CCDC191: variants seen among roughly 807,000 people sequenced by gnomAD.
CCDC191 encodes coiled-coil domain-containing protein 191.
Under a neutral mutation model 114.0 loss-of-function variants are expected in CCDC191, and 99 were observed. The ratio of observed to expected loss-of-function variants is 0.87; its 90% CI spans 0.74 to 1.03. CCDC191 has a LOEUF of 1.03. CCDC191 is among the 50% of genes least tolerant of loss of function. The pLI, the probability that CCDC191 is intolerant of heterozygous loss-of-function variation, is 0.00. For synonymous variants in CCDC191, 351 were observed against 376.0 expected (o/e 0.93, Z 0.77); for missense variants, 973 against 1,087.0 (o/e 0.90, Z 1.47).
chr3:114,033,699 A>G lies in CCDC191; in HGVS notation c.818+1226T>C, dbSNP rs190740122. 6.2e-4 allele frequency among the ~76,000 whole-genome samples: 94 copies of G among 152,354 alleles called. 1 individual carries two copies. The highest frequency in any genetic ancestry group is 2.2e-3 in the African/African-American group (91 of 41,572). On this transcript the variant is annotated intron_variant, in intron 6 of 16. Transcript: ENST00000295878. ...TTCACAATTTATTTTAGGTCAACCT[A>G]GTTTTTCCAGGGCTTGGGAGCAATA... is the stretch of plus-strand genomic sequence containing the variant.
Position 114,007,518 on chromosome 3 carries a change from C to A in CCDC191, c.1414-1556G>T, listed in dbSNP as rs2075991848. ...ACCTGCTTAAGCAATTTATATCAAG[C>A]AGGGTATATGTTTTAGGTTCTTTTA... On this transcript the variant is annotated intron_variant, in intron 9 of 16. Transcript: ENST00000295878. Among the ~76,000 whole-genome samples the A allele has an allele frequency of 2.0e-5, 3 of 152,150 alleles. No individual in the cohort carries two copies. In the South Asian group the frequency reaches 6.2e-4, roughly 31 times the overall value.
At chr3:114,003,014 A>G in intron 11 of CCDC191, 1 of 985,318 alleles carries the variant, frequency 1.0e-6, no homozygotes, top group East Asian at 1.1e-4. Context: ...ATAACAACAA[A>G]CAAACTAAAG....
At chr3:114,002,806 C>T in intron 11 of CCDC191, 5 of 928,114 alleles carry the variant, frequency 5.4e-6, no homozygotes, top group Non-Finnish European at 5.1e-6. Flanking sequence ...TAATTGTTTA[C>T]TGATTTATAA....
intron 13 of CCDC191, among the ~76,000 whole-genome samples, chr3:113,987,811 A>C (rs1470282587): frequency 6.6e-6 from 1 of 152,150 alleles, no homozygotes; most frequent in Non-Finnish European, 1.5e-5. Context: ...TGGGAGGCCA[A>C]GGCAGGTGGA....
chr3:114,055,502 G>T (rs1009354720), intron 1 of CCDC191, among the ~76,000 whole-genome samples: 14 of 152,178 alleles, frequency 9.2e-5, no homozygotes, highest in African/African-American at 3.1e-4. Context: ...GGTAAATTTA[G>T]AATAAATCGC....
At chr3:114,032,106 T>C (rs1045216395) in intron 6 of CCDC191, among the ~76,000 whole-genome samples, 93 of 152,232 alleles carry the variant, frequency 6.1e-4, no homozygotes, top group African/African-American at 2.2e-3. Context: ...GTCTCTAATA[T>C]AGACATAAAT....
At chr3:114,011,107 G>C (rs558620761) in intron 8 of CCDC191, 86 bp from the exon 9 acceptor site, 8 of 1,424,112 alleles carry the variant, frequency 5.6e-6, no homozygotes, top group African/African-American at 1.4e-5. Context: ...AGTCCAAAAG[G>C]GTTCTAGAAA....
At position 114,018,745 on chromosome 3, in the gene CCDC191, A is replaced by G. The variant is rs755913299; in HGVS notation, c.1096T>C (p.Tyr366His). The G allele has an allele frequency of 1.9e-6, 3 of 1,613,554 alleles. No homozygotes were observed. Among genetic ancestry groups the G allele is most frequent in the East Asian group, 4.5e-5 (2 of 44,876 alleles). Residue 366 changes from tyrosine to histidine, a missense_variant, in exon 8 of 17, where the codon TAC (tyrosine) becomes CAC (histidine). Transcript: ENST00000295878. ...QLKVLRAWRD[Y>H]TRFQKLERET... The stretch of plus-strand genomic sequence containing the variant: ...CGCTCCAACTTCTGGAATCTTGTGT[A>G]GTCTCTCCAGGCCCGCAGGACCTTC...
intron 9 of CCDC191, among the ~76,000 whole-genome samples, chr3:114,009,232 C>T (rs900959755): frequency 6.6e-6 from 1 of 152,092 alleles, no homozygotes; most frequent in Non-Finnish European, 1.5e-5. Context: ...ACTTAGGCCA[C>T]ACTAAATTTA....
At chr3:114,008,047 T>C (rs1372675411) in intron 9 of CCDC191, among the ~76,000 whole-genome samples, 1 of 147,036 alleles carries the variant, frequency 6.8e-6, no homozygotes, top group Admixed American at 6.8e-5. Flanking sequence ...ACTATATATA[T>C]ATTACTATAT....
chr3:114,039,515 A>C lies in CCDC191; in HGVS notation c.416-2729T>G, dbSNP rs890827532. On this transcript the variant is annotated intron_variant, in intron 4 of 16. Transcript: ENST00000295878. Reference sequence around the variant, plus strand: ...TGTCTTAAAACAAAACAAAACAAAAAAGGTTAACTGTAAAATAGCCCCAGG... The same window carrying C: ...TGTCTTAAAACAAAACAAAACAAAACAGGTTAACTGTAAAATAGCCCCAGG... The C allele has an allele frequency of 5.7e-4, 87 of 152,134 alleles. 1 individual carries two copies. Among genetic ancestry groups the C allele is most frequent in the African/African-American group, 2.0e-3 (84 of 41,508 alleles). 9.4% of individuals were successfully genotyped at this position (152,134 alleles called of 1,614,324 possible).
intron 7 of CCDC191, among the ~76,000 whole-genome samples, chr3:114,021,610 A>G (rs2107705265): frequency 6.6e-6 from 1 of 152,184 alleles, no homozygotes; most frequent in South Asian, 2.1e-4. Flanking sequence ...AAAAGTTGCT[A>G]GTTCTGTTTT....
rs1448436103 is a variant in CCDC191 at position 113,978,844 on chromosome 3, C to T, written c.2460+14G>A. ...AATGAGATGTATTTAAGGTACCCTT[C>T]CCTATGTCCTTACCTGTAGCCAGCT... On this transcript the variant is annotated intron_variant, in intron 15 of 16. Transcript: ENST00000295878. The T allele has an allele frequency of 3.1e-6, 5 of 1,610,070 alleles. No homozygotes were observed. Among genetic ancestry groups the T allele is most frequent in the Non-Finnish European group, 4.2e-6 (5 of 1,177,712 alleles).
At position 114,004,865 on chromosome 3, in the gene CCDC191, C is replaced by T. The variant is rs1243765018; in HGVS notation, c.1869-119G>A. On this transcript the variant is annotated intron_variant, in intron 10 of 16. Coordinates refer to ENST00000295878, the MANE Select transcript of CCDC191 (RefSeq NM_020817.2). ...AATGAATCCCTACTCTCTGAGATAA[C>T]TACATATTATATCCACTCCATAAAT... is the stretch of plus-strand genomic sequence containing the variant. The T allele has an allele frequency of 1.3e-5, 14 of 1,061,370 alleles. No individual in the cohort carries two copies. In the South Asian group the frequency reaches 2.1e-4, roughly 16 times the overall value. 65.7% of individuals were successfully genotyped at this position (1,061,370 alleles called of 1,614,324 possible).
chr3:113,966,971 C>T (rs1940241442), intron 16 of CCDC191, among the ~76,000 whole-genome samples: 1 of 151,934 alleles, frequency 6.6e-6, no homozygotes, highest in Non-Finnish European at 1.5e-5. Flanking sequence ...TGGTGGCAGG[C>T]ACCTGTAATC....
intron 7 of CCDC191, among the ~76,000 whole-genome samples, chr3:114,027,292 G>A (rs1370977510): frequency 1.3e-5 from 2 of 152,172 alleles, no homozygotes; most frequent in African/African-American, 4.8e-5. Context: ...CAAATAAGAT[G>A]TTAAGAGATA....
At chr3:114,056,082 G>A (rs1283838742) in intron 1 of CCDC191, among the ~76,000 whole-genome samples, 1 of 151,938 alleles carries the variant, frequency 6.6e-6, no homozygotes, top group Non-Finnish European at 1.5e-5. Context: ...TAAGGTAGGG[G>A]GAACGGAGTT....
At chr3:114,008,795 T>C (rs1443885558) in intron 9 of CCDC191, among the ~76,000 whole-genome samples, 1 of 152,174 alleles carries the variant, frequency 6.6e-6, no homozygotes, top group African/African-American at 2.4e-5. Flanking sequence ...CAAGTCACTA[T>C]ATATCTGTAT....
In CCDC191 at chr3:114,036,791, G is replaced by A. The variant is rs757054724; in HGVS notation, c.416-5C>T. The A allele has an allele frequency of 1.3e-5, 19 of 1,495,868 alleles. No homozygotes were observed. The highest frequency in any genetic ancestry group is 6.6e-5 in the Admixed American group (3 of 45,290). The allele number at this position is 1,495,868 out of a possible 1,614,324, so 92.7% of individuals were successfully genotyped here. A position where few individuals can be genotyped will look rare whatever the true frequency, so the allele number is the denominator to read the frequency against. On this transcript the variant is annotated splice_region_variant and splice_polypyrimidine_tract_variant and intron_variant, in intron 4 of 16. Transcript: ENST00000295878. ...CCTCCAAATAGCCACATAAATCTGG[G>A]GGAAACAGAACAACAAAAAAGGGAA...
Sources: gnomAD v4.1 joint callset for allele counts (sites outside exome capture counted in the v4.1 genomes callset) on GRCh38, gnomAD v4.1.1 for gene constraint, MANE v1.5 for transcripts, NCBI Gene and HGNC (gene_info 2026-07-23, HGNC 2026-07-21) for gene names.